DLG2: variants seen among roughly 807,000 people sequenced by gnomAD.
DLG2 encodes the protein disks large homolog 2.
DLG2 carries 45 observed loss-of-function variants against 132.5 expected under a neutral mutation model. The observed-to-expected ratio is 0.34, with a 90% confidence interval of 0.27 to 0.44. DLG2 has a LOEUF of 0.44. Ranked by LOEUF, DLG2 falls within the 20% of genes least tolerant of loss-of-function variation. The pLI, the probability that DLG2 is intolerant of heterozygous loss-of-function variation, is 1.00. For missense variants in DLG2, 1,045 were observed against 1,196.9 expected, an observed-to-expected ratio of 0.87 and a Z score of 1.87; for synonymous variants, 424 against 419.6, an observed-to-expected ratio of 1.01 and a Z score of -0.13.
intron 25 of DLG2, 38 bp downstream of exon 25, chr11:83,469,163 C>T: frequency 6.8e-7 from 1 of 1,477,138 alleles, no homozygotes; most frequent in Non-Finnish European, 9.0e-7. Context: ...ACCTAGAAAC[C>T]TTCTTCAGGG....
At chr11:85,318,664 A>G (rs2080852200) in intron 3 of DLG2, among the ~76,000 whole-genome samples, 1 of 151,824 alleles carries the variant, frequency 6.6e-6, no homozygotes, top group African/African-American at 2.4e-5. Context: ...GGAATTAGGG[A>G]GGAAACAAAT....
intron 18 of DLG2, among the ~76,000 whole-genome samples, chr11:83,749,836 T>C (rs896898484): frequency 6.6e-6 from 1 of 152,192 alleles, no homozygotes; most frequent in Admixed American, 6.5e-5. Flanking sequence ...TGAAGTTTTG[T>C]TTCAAAGAGA....
chr11:85,292,264 C>T (rs1254929288), intron 3 of DLG2, among the ~76,000 whole-genome samples: 2 of 152,036 alleles, frequency 1.3e-5, no homozygotes, highest in Non-Finnish European at 2.9e-5. Flanking sequence ...AAGCCTTTAT[C>T]AGTGTGGTAA....
intron 22 of DLG2, 142 bp from the exon 23 acceptor site, chr11:83,472,919 T>C: frequency 1.5e-6 from 1 of 683,806 alleles, no homozygotes; most frequent in Non-Finnish European, 2.5e-6. Context: ...AAAAATAACT[T>C]CATCCTCATA....
intron 3 of DLG2, among the ~76,000 whole-genome samples, chr11:85,339,830 A>T (rs1379671152): frequency 1.3e-5 from 2 of 152,258 alleles, no homozygotes; most frequent in African/African-American, 4.8e-5. Flanking sequence ...TGGGCAAAGG[A>T]TATGAACAGA....
chr11:83,737,735 C>T (rs763886158), intron 18 of DLG2, among the ~76,000 whole-genome samples: 1 of 152,112 alleles, frequency 6.6e-6, no homozygotes, highest in Non-Finnish European at 1.5e-5. Context: ...AGGTGGATAA[C>T]GAGGTCAGGA....
At chr11:84,465,999 A>C (rs1191208348) in intron 7 of DLG2, among the ~76,000 whole-genome samples, 1 of 151,304 alleles carries the variant, frequency 6.6e-6, no homozygotes, top group Non-Finnish European at 1.5e-5. Flanking sequence ...CTCAGATTGA[A>C]TACAGAAATA....
chr11:84,527,025 G>T (rs918729375), intron 7 of DLG2, among the ~76,000 whole-genome samples: 18 of 151,998 alleles, frequency 1.2e-4, no homozygotes, highest in African/African-American at 4.3e-4. Context: ...TGATCCACCC[G>T]CCTCGGCCTC....
At chr11:84,641,242 A>G (rs2099663139) in intron 6 of DLG2, among the ~76,000 whole-genome samples, 1 of 152,186 alleles carries the variant, frequency 6.6e-6, no homozygotes, top group African/African-American at 2.4e-5. Flanking sequence ...TCTCAGCTTC[A>G]CTATATATAA....
chr11:83,881,042 T>C (rs2154074795), intron 15 of DLG2, among the ~76,000 whole-genome samples: 1 of 76,936 alleles, frequency 1.3e-5, no homozygotes, highest in Admixed American at 1.2e-4. Flanking sequence ...TTTTTTCCAT[T>C]TTTTTAAAAA....
At chr11:85,414,296 T>C (rs1423392407) in intron 3 of DLG2, among the ~76,000 whole-genome samples, 2 of 151,996 alleles carry the variant, frequency 1.3e-5, no homozygotes, top group African/African-American at 4.8e-5. Context: ...AGGAGCTTTC[T>C]GGAGGAGTCT....
chr11:85,557,618 T>C (rs544061989), intron 3 of DLG2, among the ~76,000 whole-genome samples: 1 of 151,878 alleles, frequency 6.6e-6, no homozygotes, highest in African/African-American at 2.4e-5. Flanking sequence ...CATAGGCCAC[T>C]GGAACAGAAT....
chr11:85,613,630 C>A (rs976083796), intron 2 of DLG2, among the ~76,000 whole-genome samples: 1 of 152,122 alleles, frequency 6.6e-6, no homozygotes, highest in African/African-American at 2.4e-5. Flanking sequence ...GTAAATGCAC[C>A]AATCAGCACT....
rs558113596 is a variant in DLG2 at position 85,027,318 on chromosome 11, G to A, written c.357+84343C>T. 9.6e-4 allele frequency among the ~76,000 whole-genome samples: 146 copies of A among 151,998 alleles called. 1 individual carries two copies. The highest frequency in any genetic ancestry group is 3.4e-3 in the African/African-American group (141 of 41,436). On this transcript the variant is annotated intron_variant, in intron 6 of 27. Coordinates refer to ENST00000376104, the MANE Select transcript of DLG2 (RefSeq NM_001142699.3). The stretch of plus-strand genomic sequence containing the variant: ...TTAACACCAGCAATGTCTGGAGGTT[G>A]GGTTATTCGATTTTTTTTGTTTCCC...
At chr11:85,151,466 T>A in intron 5 of DLG2, among the ~76,000 whole-genome samples, 1 of 152,278 alleles carries the variant, frequency 6.6e-6, no homozygotes, top group African/African-American at 2.4e-5. Flanking sequence ...TCCTGACATT[T>A]TTCTATTAGT....
intron 4 of DLG2, among the ~76,000 whole-genome samples, chr11:85,242,369 T>C (rs543207560): frequency 1.5e-4 from 23 of 152,068 alleles, no homozygotes; most frequent in African/African-American, 5.1e-4. Context: ...TGTATCTTGG[T>C]GTGGGTCTTT....
intron 6 of DLG2, among the ~76,000 whole-genome samples, chr11:84,764,890 AG>A (rs772780955): frequency 1.3e-5 from 2 of 152,104 alleles, no homozygotes; most frequent in Non-Finnish European, 2.9e-5. Context: ...AGGCAGGTTC[AG>A]TTCATGGAGG....
chr11:83,714,302 TAAAGAA>T (rs776753489), intron 18 of DLG2, among the ~76,000 whole-genome samples: 33 of 151,722 alleles, frequency 2.2e-4, no homozygotes, highest in African/African-American at 2.9e-4. Flanking sequence ...GGAGAAAAGA[TAAAGAA>T]AAAGAGGAAA....
At chr11:85,494,715 T>G (rs1473984333) in intron 3 of DLG2, among the ~76,000 whole-genome samples, 1 of 151,732 alleles carries the variant, frequency 6.6e-6, no homozygotes, top group African/African-American at 2.4e-5. Flanking sequence ...AAAGCACATT[T>G]GCAAAAGAAA....
Sources: gnomAD v4.1 joint callset for allele counts (sites outside exome capture counted in the v4.1 genomes callset) on GRCh38, gnomAD v4.1.1 for gene constraint, MANE v1.5 for transcripts, NCBI Gene and HGNC (gene_info 2026-07-23, HGNC 2026-07-21) for gene names.